The following PTPRD variants were observed in gnomAD, a reference collection of about 807,000 sequenced individuals.
The protein encoded by PTPRD is protein tyrosine phosphatase receptor type D, also known as receptor-type tyrosine-protein phosphatase delta.
Under a neutral mutation model 214.5 loss-of-function variants are expected in PTPRD, and 34 were observed. The observed-to-expected ratio is 0.16, with a 90% CI of 0.12 to 0.21. The LOEUF is 0.21. Among genes scored for constraint, PTPRD ranks in the 10% least tolerant of loss-of-function variants. The probability of loss-of-function intolerance (pLI) is 1.00; values close to 1 mark genes in which losing one functional copy is unlikely to be tolerated. For synonymous variants in PTPRD, 1,128 were observed against 845.7 expected, an observed-to-expected ratio of 1.33 and a Z score of -5.79; for missense variants, 2,545 against 2,398.7, an observed-to-expected ratio of 1.06 and a Z score of -1.27.
chr9:9,245,651 G>A (rs1020970525), intron 9 of PTPRD, among the ~76,000 whole-genome samples: 3 of 152,094 alleles, frequency 2.0e-5, no homozygotes, highest in Non-Finnish European at 4.4e-5. Context: ...GATAGCATTA[G>A]GAGATATACT....
At chr9:9,669,975 T>C (rs2096795943) in intron 7 of PTPRD, among the ~76,000 whole-genome samples, 1 of 152,198 alleles carries the variant, frequency 6.6e-6, no homozygotes, top group African/African-American at 2.4e-5. Flanking sequence ...CCCCTCAATA[T>C]CTTTTAGCTT....
chr9:9,581,606 TAAAG>T (rs543194391), intron 7 of PTPRD, among the ~76,000 whole-genome samples: 196 of 152,148 alleles, frequency 1.3e-3, no homozygotes, highest in African/African-American at 4.4e-3. Context: ...AGTGATGCAA[TAAAG>T]AAATAATAAC....
At chr9:8,494,146 A>G (rs902138070) in intron 26 of PTPRD, among the ~76,000 whole-genome samples, 1 of 152,204 alleles carries the variant, frequency 6.6e-6, no homozygotes, top group Non-Finnish European at 1.5e-5. Context: ...ATCTAAAGAC[A>G]ATGTGAGTGA....
In PTPRD at chr9:10,168,470, T is replaced by G. The variant is rs560566121; in HGVS notation, c.-544-134680A>C. 2.0e-5 allele frequency among the ~76,000 whole-genome samples: 3 copies of G among 152,310 alleles called. No individual in the cohort carries two copies. In the South Asian group the frequency reaches 6.2e-4, roughly 32 times the overall value. On this transcript the variant is annotated intron_variant, in intron 3 of 45. Coordinates refer to ENST00000381196, the MANE Select transcript of PTPRD (RefSeq NM_002839.4). ...ATCAGCCATGTCCTTTGTGAAACCT[T>G]GCCTCGGCATGGGCTCTTATTCCTA...
chr9:10,543,212 A>G (rs1001649213), intron 2 of PTPRD, among the ~76,000 whole-genome samples: 1 of 152,110 alleles, frequency 6.6e-6, no homozygotes, highest in African/African-American at 2.4e-5. Context: ...AACTAACATG[A>G]TAAAGGGGAA....
At position 8,395,923 on chromosome 9, in the gene PTPRD, G is replaced by T. The variant is rs547958075; in HGVS notation, c.4211-6516C>A. 9.3e-4 allele frequency among the ~76,000 whole-genome samples: 142 copies of T among 152,122 alleles called. 1 individual carries two copies. Among genetic ancestry groups the T allele is most frequent in the Non-Finnish European group, 1.3e-3 (87 of 67,994 alleles). On this transcript the variant is annotated intron_variant, in intron 36 of 45. Coordinates refer to ENST00000381196, the MANE Select transcript of PTPRD (RefSeq NM_002839.4). The stretch of plus-strand genomic sequence containing the variant: ...CTGTGATAGAGGGGCGTGCTTTTTG[G>T]TTAGACAGCAACTTGCCTTAAAATA...
At chr9:9,922,724 C>A (rs2082920156) in intron 5 of PTPRD, among the ~76,000 whole-genome samples, 1 of 151,762 alleles carries the variant, frequency 6.6e-6, no homozygotes, top group African/African-American at 2.4e-5. Flanking sequence ...ACCAGTAGAA[C>A]ATAAGACAAA....
intron 2 of PTPRD, among the ~76,000 whole-genome samples, chr9:10,604,095 A>G (rs1442575334): frequency 1.3e-5 from 2 of 151,818 alleles, no homozygotes; most frequent in Non-Finnish European, 2.9e-5. Flanking sequence ...GAACTTGGCA[A>G]TAGAAACAGA....
intron 9 of PTPRD, among the ~76,000 whole-genome samples, chr9:9,289,972 C>A (rs1183244844): frequency 6.6e-6 from 1 of 151,570 alleles, no homozygotes; most frequent in African/African-American, 2.4e-5. Flanking sequence ...GGATATATAC[C>A]CAGAAATTAG....
intron 11 of PTPRD, among the ~76,000 whole-genome samples, chr9:8,936,427 CAAAAAA>C (rs1181403459): frequency 1.3e-4 from 4 of 31,638 alleles, no homozygotes; most frequent in African/African-American, 2.5e-4. Context: ...ACCCTGCCTC[CAAAAAA>C]AAAAAAAAAA....
intron 11 of PTPRD, among the ~76,000 whole-genome samples, chr9:8,785,521 G>T (rs990630160): frequency 1.3e-5 from 2 of 152,074 alleles, no homozygotes; most frequent in Non-Finnish European, 2.9e-5. Flanking sequence ...AATGTGAATC[G>T]CCTTACTATT....
At chr9:9,853,712 C>G (rs1431486684) in intron 5 of PTPRD, among the ~76,000 whole-genome samples, 3 of 151,974 alleles carry the variant, frequency 2.0e-5, no homozygotes, top group Admixed American at 6.6e-5. Context: ...CTACACCCAG[C>G]TAATGTTTGT....
chr9:9,909,749 G>A (rs2078644886), intron 5 of PTPRD, among the ~76,000 whole-genome samples: 2 of 151,034 alleles, frequency 1.3e-5, no homozygotes. Flanking sequence ...AGACATGTGA[G>A]CCTTTGGGAC....
chr9:8,475,060 T>C (rs1049201669), intron 30 of PTPRD, among the ~76,000 whole-genome samples: 2 of 152,134 alleles, frequency 1.3e-5, no homozygotes, highest in South Asian at 2.1e-4. Context: ...GTCACCTCTC[T>C]TTCTCCCACT....
intron 10 of PTPRD, among the ~76,000 whole-genome samples, chr9:9,174,310 GATGA>G (rs1037680841): frequency 2.0e-5 from 3 of 152,040 alleles, no homozygotes; most frequent in African/African-American, 7.2e-5. Flanking sequence ...TCAATAAATA[GATGA>G]ATGAAAAAAG....
intron 21 of PTPRD, among the ~76,000 whole-genome samples, chr9:8,509,929 T>C (rs748330348): frequency 1.1e-4 from 16 of 152,158 alleles, no homozygotes; most frequent in Non-Finnish European, 2.4e-4. Context: ...TTCTCTCCTG[T>C]TCTTTCCTTA....
At chr9:10,025,211 C>T (rs1195168755) in intron 4 of PTPRD, among the ~76,000 whole-genome samples, 1 of 152,146 alleles carries the variant, frequency 6.6e-6, no homozygotes, top group Non-Finnish European at 1.5e-5. Context: ...GCCACACTGA[C>T]TTCCACAATG....
intron 12 of PTPRD, among the ~76,000 whole-genome samples, chr9:8,643,921 G>C (rs2096631566): frequency 6.6e-6 from 1 of 152,172 alleles, no homozygotes; most frequent in East Asian, 1.9e-4. Context: ...TTCAGGCCAG[G>C]GAGGGCCTGA....
intron 32 of PTPRD, among the ~76,000 whole-genome samples, chr9:8,461,783 T>C (rs1050806314): frequency 2.6e-5 from 4 of 152,036 alleles, no homozygotes; most frequent in African/African-American, 9.7e-5. Flanking sequence ...TAATTATCTC[T>C]GACTCCATCC....
Sources: allele counts gnomAD v4.1 joint callset (sites outside exome capture counted in the v4.1 genomes callset), GRCh38; gene constraint gnomAD v4.1.1; transcripts MANE v1.5; gene names NCBI Gene and HGNC (gene_info 2026-07-23, HGNC 2026-07-21).